Variants in CNTLN observed in about 807,000 individuals in gnomAD.
CNTLN encodes the protein centlein, centrosomal protein.
A neutral mutation model predicts 180.0 loss-of-function variants in CNTLN; 212 were observed. That is an observed-to-expected ratio of 1.18 (90% CI 1.05 to 1.32). The LOEUF (loss-of-function observed/expected upper bound fraction) is 1.32, where lower values mean the gene tolerates loss of function less well. Ranked by LOEUF, CNTLN falls within the 40% of genes most tolerant of loss-of-function variation. The pLI is 0.00. For synonymous variants in CNTLN, 722 were observed against 563.1 expected, an observed-to-expected ratio of 1.28 and a Z score of -3.99; for missense variants, 2,095 against 1,610.9, an observed-to-expected ratio of 1.30 and a Z score of -5.14.
chr9:17,222,750 C>A (rs559316650), intron 2 of CNTLN, among the ~76,000 whole-genome samples: 1 of 152,144 alleles, frequency 6.6e-6, no homozygotes, highest in South Asian at 2.1e-4. Context: ...AGTGTGTTTG[C>A]AGCATTTGGT....
chr9:17,296,518 CA>C (rs1817949311), intron 6 of CNTLN, among the ~76,000 whole-genome samples: 1 of 152,128 alleles, frequency 6.6e-6, no homozygotes, highest in African/African-American at 2.4e-5. Context: ...CTAAATGTGA[CA>C]TTTTTTTAGG....
At chr9:17,488,212 A>C (rs918917765) in intron 25 of CNTLN, among the ~76,000 whole-genome samples, 31 of 152,188 alleles carry the variant, frequency 2.0e-4, no homozygotes, top group Non-Finnish European at 4.3e-4. Context: ...TATTTTTGAA[A>C]CATTGTCTGG....
At chr9:17,147,758 G>A (rs1410843171) in intron 2 of CNTLN, among the ~76,000 whole-genome samples, 1 of 152,082 alleles carries the variant, frequency 6.6e-6, no homozygotes. Flanking sequence ...CTATTATTTA[G>A]ATATAGCATA....
intron 23 of CNTLN, among the ~76,000 whole-genome samples, chr9:17,468,083 C>G (rs1027005496): frequency 1.3e-5 from 2 of 151,546 alleles, no homozygotes; most frequent in Non-Finnish European, 3.0e-5. Context: ...AGATCAAGTC[C>G]TTTGCAGCAA....
At chr9:17,290,363 C>G (rs990111838) in intron 6 of CNTLN, among the ~76,000 whole-genome samples, 13 of 149,398 alleles carry the variant, frequency 8.7e-5, no homozygotes, top group African/African-American at 1.7e-4. Flanking sequence ...GCAGTCTGCC[C>G]GTTCTCAGAT....
chr9:17,457,484 T>G (rs192477201), intron 18 of CNTLN, 40 bp from the exon 19 acceptor site: 1 of 1,090,172 alleles, frequency 9.2e-7, no homozygotes, highest in Admixed American at 3.7e-5. Flanking sequence ...TAGTTACTTT[T>G]AAAATATATT....
intron 2 of CNTLN, among the ~76,000 whole-genome samples, chr9:17,173,651 T>A (rs1300088701): frequency 6.6e-6 from 1 of 151,932 alleles, no homozygotes; most frequent in South Asian, 2.1e-4. Flanking sequence ...AAATTTGCTT[T>A]CTTCTCATCA....
chr9:17,520,118 G>C, the CNTLN span, among the ~76,000 whole-genome samples: 1 of 152,194 alleles, frequency 6.6e-6, no homozygotes. Context: ...TGTAAAGGTA[G>C]AAAACTCTCT....
At chr9:17,325,608 C>G (rs1820236511) in intron 8 of CNTLN, among the ~76,000 whole-genome samples, 1 of 151,486 alleles carries the variant, frequency 6.6e-6, no homozygotes, top group Admixed American at 6.6e-5. Flanking sequence ...ACTTGATTTT[C>G]AGTGATATAT....
chr9:17,393,022 G>C (rs1026382372), intron 14 of CNTLN, among the ~76,000 whole-genome samples: 1 of 152,142 alleles, frequency 6.6e-6, no homozygotes, highest in African/African-American at 2.4e-5. Flanking sequence ...AAAACTGAGA[G>C]GATTATAAAC....
At chr9:17,198,433 T>C (rs1226319433) in intron 2 of CNTLN, among the ~76,000 whole-genome samples, 1 of 150,078 alleles carries the variant, frequency 6.7e-6, no homozygotes, top group African/African-American at 2.4e-5. Context: ...TTAATCAGTG[T>C]TCTATAGTTT....
intron 5 of CNTLN, among the ~76,000 whole-genome samples, chr9:17,251,014 G>A (rs1385869963): frequency 6.6e-6 from 1 of 151,872 alleles, no homozygotes; most frequent in African/African-American, 2.4e-5. Context: ...GTTTTTGCTG[G>A]ATAGAAAATT....
At chr9:17,221,696 C>T (rs932507407) in intron 2 of CNTLN, among the ~76,000 whole-genome samples, 23 of 152,026 alleles carry the variant, frequency 1.5e-4, no homozygotes, top group Non-Finnish European at 1.6e-4. Context: ...GCCCTCAGTA[C>T]TGCCTGTTCA....
chr9:17,227,961 T>A (rs1052759791), intron 3 of CNTLN, among the ~76,000 whole-genome samples: 1 of 152,080 alleles, frequency 6.6e-6, no homozygotes, highest in Non-Finnish European at 1.5e-5. Context: ...GCTTGACAAG[T>A]ACAACCTTAT....
chr9:17,387,585 C>G (rs1273321060), intron 13 of CNTLN, among the ~76,000 whole-genome samples: 3 of 152,100 alleles, frequency 2.0e-5, no homozygotes, highest in Non-Finnish European at 4.4e-5. Flanking sequence ...GTAGCTATAA[C>G]CTCACCCATA....
the CNTLN span, among the ~76,000 whole-genome samples, chr9:17,524,952 T>A: frequency 2.0e-5 from 3 of 152,212 alleles, no homozygotes; most frequent in Non-Finnish European, 2.9e-5. Flanking sequence ...TTAAACAATT[T>A]CACAGAATAT....
chr9:17,391,593 G>GA (rs952739807), intron 14 of CNTLN, among the ~76,000 whole-genome samples: 3 of 151,638 alleles, frequency 2.0e-5, no homozygotes, highest in Non-Finnish European at 2.9e-5. Context: ...TCAGTCAACA[G>GA]AAAAAAAATG....
In CNTLN at chr9:17,236,539, A is replaced by C; in HGVS notation, c.800A>C (p.Gln267Pro). The C allele has an allele frequency of 6.2e-7, 1 of 1,613,592 alleles. No homozygotes were observed. Among genetic ancestry groups the C allele is most frequent in the Non-Finnish European group, 8.5e-7 (1 of 1,179,724 alleles). ...LLNDLEKLRK[Q>P]EAHLRKEKYS... is the part of the protein sequence containing the mutation. ...AATGACCTGGAGAAATTGAGGAAGC[A>C]GGAAGCACATTTGAGAAAAGAAAAA... is the stretch of plus-strand genomic sequence containing the variant. Residue 267 changes from glutamine (Q) to proline (P), a missense_variant, in exon 5 of 26, where the codon CAG (glutamine) becomes CCG (proline). Physicochemically the swap from Gln to Pro is moderately conservative, Grantham distance 76 (BLOSUM62 -1). Transcript: ENST00000380647.
intron 12 of CNTLN, among the ~76,000 whole-genome samples, chr9:17,346,676 T>C (rs889816526): frequency 5.3e-5 from 8 of 152,196 alleles, no homozygotes; most frequent in African/African-American, 1.7e-4. Flanking sequence ...TCTTCAGAAG[T>C]TTGGTCATAA....
Sources: gnomAD v4.1 joint callset for allele counts (sites outside exome capture counted in the v4.1 genomes callset) on GRCh38, gnomAD v4.1.1 for gene constraint, MANE v1.5 for transcripts, NCBI Gene and HGNC (gene_info 2026-07-23, HGNC 2026-07-21) for gene names.